CREB1: variants seen among roughly 807,000 people sequenced by gnomAD.
CREB1 encodes cyclic AMP-responsive element-binding protein 1.
A neutral mutation model predicts 42.0 loss-of-function variants in CREB1; 2 were observed. The ratio of observed to expected loss-of-function variants is 0.05; its 90% CI spans 0.02 to 0.15. CREB1 has a LOEUF of 0.15. CREB1 is among the 10% of genes least tolerant of loss of function. CREB1 has a pLI of 1.00. For missense variants in CREB1, 199 were observed against 388.9 expected, an observed-to-expected ratio of 0.51 and a Z score of 4.11; for synonymous variants, 123 against 139.9, an observed-to-expected ratio of 0.88 and a Z score of 0.85.
chr2:207,591,676 G>A (rs150194988), intron 7 of CREB1, among the ~76,000 whole-genome samples: 122 of 152,116 alleles, frequency 8.0e-4, no homozygotes, highest in African/African-American at 2.6e-3. Flanking sequence ...CAAGTTATCC[G>A]CTCACCTCAG....
At chr2:207,537,201 C>G (rs1035684918) in intron 1 of CREB1, among the ~76,000 whole-genome samples, 2 of 151,880 alleles carry the variant, frequency 1.3e-5, no homozygotes, top group Non-Finnish European at 2.9e-5. Flanking sequence ...ATTACAGGCG[C>G]CTGCCACCAT....
chr2:207,573,691 C>CCACT (rs1410919494), intron 5 of CREB1, among the ~76,000 whole-genome samples: 1 of 152,178 alleles, frequency 6.6e-6, no homozygotes, highest in Non-Finnish European at 1.5e-5. Flanking sequence ...TGTGATCTTG[C>CCACT]CACTGCACTC....
chr2:207,551,840 G>A (rs1444466801), intron 1 of CREB1, among the ~76,000 whole-genome samples: 2 of 151,770 alleles, frequency 1.3e-5, no homozygotes, highest in African/African-American at 2.4e-5. Flanking sequence ...TCAGGAGATC[G>A]AGACCATCCT....
At chr2:207,546,269 T>G (rs2081298866) in intron 1 of CREB1, among the ~76,000 whole-genome samples, 1 of 152,196 alleles carries the variant, frequency 6.6e-6, no homozygotes, top group Admixed American at 6.5e-5. Flanking sequence ...TGTTGATTCT[T>G]TCAAGATTAA....
At chr2:207,535,377 G>C (rs1340186680) in intron 1 of CREB1, among the ~76,000 whole-genome samples, 10 of 151,896 alleles carry the variant, frequency 6.6e-5, no homozygotes, top group Admixed American at 6.6e-4. Flanking sequence ...GGTTTTTATA[G>C]CTTTCTTTCT....
At chr2:207,552,042 C>CAAAAAAAA in intron 1 of CREB1, among the ~76,000 whole-genome samples, 1 of 69,924 alleles carries the variant, frequency 1.4e-5, no homozygotes, top group Non-Finnish European at 2.5e-5. Context: ...AACTCCGTCT[C>CAAAAAAAA]AAAAAAAAAA....
At chr2:207,573,796 T>G (rs2082466139) in intron 5 of CREB1, among the ~76,000 whole-genome samples, 1 of 152,192 alleles carries the variant, frequency 6.6e-6, no homozygotes, top group African/African-American at 2.4e-5. Context: ...CCCAGTCTTG[T>G]CATATATGGT....
chr2:207,559,820 T>C (rs1045099667), intron 2 of CREB1, among the ~76,000 whole-genome samples: 1 of 152,162 alleles, frequency 6.6e-6, no homozygotes, highest in Non-Finnish European at 1.5e-5. Context: ...TGAGCAGTTA[T>C]TTGTGTTTTT....
intron 1 of CREB1, among the ~76,000 whole-genome samples, chr2:207,549,854 C>T (rs1167033682): frequency 1.3e-5 from 2 of 151,986 alleles, no homozygotes; most frequent in African/African-American, 4.8e-5. Flanking sequence ...CCTGTAGTCC[C>T]AGCTACTCGG....
At chr2:207,582,120 T>G (rs1478232811) in intron 7 of CREB1, 4 of 702,926 alleles carry the variant, frequency 5.7e-6, no homozygotes, top group Non-Finnish European at 1.0e-5. Context: ...TTTCTCTTTG[T>G]CCAGCCCATA....
chr2:207,590,940 TA>T, intron 7 of CREB1, among the ~76,000 whole-genome samples: 1 of 152,342 alleles, frequency 6.6e-6, no homozygotes, highest in Non-Finnish European at 1.5e-5. Context: ...GCATTCAGTT[TA>T]AAAATTTTTT....
Position 207,581,552 on chromosome 2 carries a change from T to C in CREB1, c.839+3897T>C, listed in dbSNP as rs1050584005. 3.3e-5 allele frequency: 8 copies of C among 238,980 alleles called. No homozygotes were observed. In the East Asian group the frequency reaches 4.7e-4, roughly 14 times the overall value. The allele number at this position is 238,980 out of a possible 1,614,324, so 14.8% of individuals were successfully genotyped here. ...AATTTCACCATCTAAAATGTTAACA[T>C]TCTAAAGTCAGTTTTTTTACTCAAA... On this transcript the variant is annotated intron_variant, in intron 7 of 7. Coordinates refer to ENST00000353267, the MANE Select transcript of CREB1 (RefSeq NM_004379.5).
chr2:207,576,787 AT>A, intron 6 of CREB1: 2 of 1,040,212 alleles, frequency 1.9e-6, no homozygotes, highest in Non-Finnish European at 2.3e-6. Flanking sequence ...AGACCTTCAA[AT>A]TTTTTTAAGT....
At chr2:207,532,337 AAAG>A (rs1249831524) in intron 1 of CREB1, among the ~76,000 whole-genome samples, 2 of 148,594 alleles carry the variant, frequency 1.3e-5, no homozygotes, top group African/African-American at 2.6e-5. Context: ...AAAAAAAAAA[AAAG>A]AAAGAATATA....
At chr2:207,591,673 T>G (rs1363048600) in intron 7 of CREB1, among the ~76,000 whole-genome samples, 1 of 152,250 alleles carries the variant, frequency 6.6e-6, no homozygotes, top group Non-Finnish European at 1.5e-5. Context: ...CCTCAAGTTA[T>G]CCGCTCACCT....
chr2:207,572,225 CAAAAAAAAAA>C (rs35000643), intron 5 of CREB1, among the ~76,000 whole-genome samples: 5 of 98,890 alleles, frequency 5.1e-5, no homozygotes, highest in African/African-American at 2.3e-4. Flanking sequence ...GATTCCGTCT[CAAAAAAAAAA>C]AAAAAAAAGA....
chr2:207,567,329 T>C, intron 3 of CREB1, 134 bp from the exon 4 acceptor site: 1 of 551,648 alleles, frequency 1.8e-6, no homozygotes, highest in Non-Finnish European at 3.2e-6. Context: ...ATTGGTGTGG[T>C]TGTCTCCCAT....
intron 7 of CREB1, among the ~76,000 whole-genome samples, chr2:207,583,060 T>C (rs888992008): frequency 2.0e-5 from 3 of 152,062 alleles, no homozygotes; most frequent in African/African-American, 7.2e-5. Context: ...TTTTAAATAA[T>C]ACAAATAAAA....
Position 207,600,151 on chromosome 2 carries a change from A to G in CREB1, c.*3093A>G, listed in dbSNP as rs1448282676. ...AGTTCATTCTTTTTCAAACTCAAGT[A>G]CCATATTGGCAACCATAATATTGTC... is the stretch of plus-strand genomic sequence containing the variant. On this transcript the variant is annotated 3_prime_UTR_variant, in exon 8 of 8. Coordinates refer to ENST00000353267, the MANE Select transcript of CREB1 (RefSeq NM_004379.5). The G allele has an allele frequency of 5.6e-6, 1 of 179,664 alleles. No homozygotes were observed. The highest frequency in any genetic ancestry group is 1.2e-5 in the Non-Finnish European group (1 of 84,432). The allele number at this position is 179,664 out of a possible 1,614,324, so 11.1% of individuals were successfully genotyped here. A position where few individuals can be genotyped will look rare whatever the true frequency, so the allele number is the denominator to read the frequency against.
Sources: allele counts gnomAD v4.1 joint callset (sites outside exome capture counted in the v4.1 genomes callset), GRCh38; gene constraint gnomAD v4.1.1; transcripts MANE v1.5; gene names NCBI Gene and HGNC (gene_info 2026-07-23, HGNC 2026-07-21).